The following PRKCQ variants were observed in gnomAD, a reference collection of about 807,000 sequenced individuals.
The protein encoded by PRKCQ is protein kinase C theta type.
PRKCQ carries 41 observed loss-of-function variants against 91.2 expected under a neutral mutation model. That is an observed-to-expected ratio of 0.45 (90% CI 0.35 to 0.58). The LOEUF is 0.58. Among genes scored for constraint, PRKCQ ranks in the 20% least tolerant of loss-of-function variants. PRKCQ has a pLI of 0.00. For synonymous variants in PRKCQ, 307 were observed against 316.9 expected (o/e 0.97, Z 0.33); for missense variants, 673 against 896.5 (o/e 0.75, Z 3.18).
rs200510395 is a variant in PRKCQ, at chr10:6,497,010, G to A, written c.660+25C>T. 1.4e-5 allele frequency: 22 copies of A among 1,594,528 alleles called. No homozygotes were observed. Among genetic ancestry groups the A allele is most frequent in the East Asian group, 4.5e-5 (2 of 44,786 alleles). Reference sequence around the variant, plus strand: ...AACGTTCTGATAAAAATCACTGCACGTCAAAGAGGAGTGTAAATACTCACC... The same window carrying A: ...AACGTTCTGATAAAAATCACTGCACATCAAAGAGGAGTGTAAATACTCACC... On this transcript the variant is annotated intron_variant, in intron 7 of 17. Coordinates refer to ENST00000263125, the MANE Select transcript of PRKCQ (RefSeq NM_006257.5). This position sits in a 1 kb window ranked among gnomAD's most constrained non-coding sequence, Gnocchi z 4.5.
the PRKCQ span, among the ~76,000 whole-genome samples, chr10:6,414,022 G>A: frequency 7.3e-4 from 111 of 152,312 alleles, no homozygotes; most frequent in Admixed American, 2.1e-3. Context: ...CCTGAAAGAT[G>A]GGGAGCAAAT....
At chr10:6,399,938 G>A in the PRKCQ span, among the ~76,000 whole-genome samples, 1 of 152,152 alleles carries the variant, frequency 6.6e-6, no homozygotes, top group African/African-American at 2.4e-5. Flanking sequence ...GGTTGGGGGG[G>A]CGGACACTGA....
chr10:6,566,795 G>A (rs1479084083), intron 1 of PRKCQ, among the ~76,000 whole-genome samples: 1 of 152,088 alleles, frequency 6.6e-6, no homozygotes, highest in African/African-American at 2.4e-5. Flanking sequence ...AGAAGTCAGT[G>A]CACCCAAGGG....
chr10:6,560,374 G>C (rs189706799), intron 1 of PRKCQ, among the ~76,000 whole-genome samples: 5 of 152,298 alleles, frequency 3.3e-5, no homozygotes, highest in African/African-American at 1.2e-4. Flanking sequence ...AAGCCTACTG[G>C]AAGGAGAAAG....
chr10:6,533,046 A>T (rs1022500223), intron 1 of PRKCQ, among the ~76,000 whole-genome samples: 3 of 152,134 alleles, frequency 2.0e-5, no homozygotes, highest in Admixed American at 6.6e-5. Flanking sequence ...TTTTAGGTTC[A>T]CAGTAAAATA....
intron 16 of PRKCQ, among the ~76,000 whole-genome samples, chr10:6,438,926 A>G (rs1456112116): frequency 6.6e-6 from 1 of 152,236 alleles, no homozygotes; most frequent in Non-Finnish European, 1.5e-5. Context: ...GATTACAGTG[A>G]TGGGTCTCTT....
the PRKCQ span, among the ~76,000 whole-genome samples, chr10:6,420,249 TCTC>T: frequency 6.6e-6 from 1 of 152,074 alleles, no homozygotes; most frequent in Non-Finnish European, 1.5e-5. Flanking sequence ...GGCCTCGAAA[TCTC>T]CTTTTAATAC....
At chr10:6,448,126 G>T (rs1295389861) in intron 15 of PRKCQ, among the ~76,000 whole-genome samples, 1 of 152,078 alleles carries the variant, frequency 6.6e-6, no homozygotes, top group African/African-American at 2.4e-5. Context: ...ACTTAGAGAT[G>T]AACTTTTAGG....
chr10:6,439,273 C>T (rs1833851670), intron 16 of PRKCQ, among the ~76,000 whole-genome samples: 1 of 152,110 alleles, frequency 6.6e-6, no homozygotes, highest in Non-Finnish European at 1.5e-5. Flanking sequence ...GCGCTGAATT[C>T]CGTTTTGATG....
chr10:6,450,667 T>G (rs1834616235), intron 15 of PRKCQ, among the ~76,000 whole-genome samples: 1 of 152,236 alleles, frequency 6.6e-6, no homozygotes, highest in Admixed American at 6.5e-5. Context: ...ATTGACCACA[T>G]AGTTGGAAGT....
chr10:6,577,754 T>G lies in PRKCQ; in HGVS notation c.-10+2457A>C, dbSNP rs184670502. Among the ~76,000 whole-genome samples, 399 of 151,752 alleles carry G rather than the reference T, an allele frequency of 2.6e-3. 19 individuals are homozygous for G. The East Asian group carries it at 0.068, about 26-fold the overall frequency. On this transcript the variant is annotated intron_variant, in intron 1 of 17. Transcript: ENST00000263125. ...TAGGGGCAACAACATAATCAGCAAC[T>G]CTAAGACATCAATCAAATGCATTAA...
In PRKCQ at chr10:6,480,851, T is replaced by C. The variant is rs112162558; in HGVS notation, c.1180-1686A>G. On this transcript the variant is annotated intron_variant, in intron 11 of 17. Coordinates refer to ENST00000263125, the MANE Select transcript of PRKCQ (RefSeq NM_006257.5). ...CGTAGCTTGATGGTAGCTGACTTGA[T>C]AGAAGGGAAGGGATGAAACTTAGAT... Among the ~76,000 whole-genome samples, 1,229 of 152,256 alleles carry C rather than the reference T, an allele frequency of 8.1e-3. 10 individuals are homozygous for C. The highest frequency in any genetic ancestry group is 0.034 in the Middle Eastern group (10 of 294).
intron 16 of PRKCQ, among the ~76,000 whole-genome samples, chr10:6,441,389 ACC>A (rs1833964086): frequency 6.6e-6 from 1 of 152,042 alleles, no homozygotes; most frequent in Non-Finnish European, 1.5e-5. Context: ...TGATCCGCTC[ACC>A]TTGGCCTCCC....
the PRKCQ span, among the ~76,000 whole-genome samples, chr10:6,406,775 C>T: frequency 0.015 from 2,355 of 152,274 alleles, 68 homozygotes; most frequent in African/African-American, 0.054. Context: ...GGTACTCACT[C>T]ACCACTGTCA....
chr10:6,395,504 C>G, the PRKCQ span, among the ~76,000 whole-genome samples: 2 of 152,134 alleles, frequency 1.3e-5, no homozygotes, highest in Non-Finnish European at 2.9e-5. Context: ...CAAAATATCT[C>G]AAGCCCTGAT....
chr10:6,480,827 G>C (rs570261468), intron 11 of PRKCQ, among the ~76,000 whole-genome samples: 1 of 152,214 alleles, frequency 6.6e-6, no homozygotes, highest in African/African-American at 2.4e-5. Flanking sequence ...GAGCAGGTTC[G>C]TAGCTTGATG....
chr10:6,448,090 G>C (rs915414738), intron 15 of PRKCQ, among the ~76,000 whole-genome samples: 2 of 152,220 alleles, frequency 1.3e-5, no homozygotes, highest in Admixed American at 6.5e-5. Flanking sequence ...AACAAAAGAC[G>C]CCCAGAGGTG....
intron 16 of PRKCQ, among the ~76,000 whole-genome samples, chr10:6,434,567 G>A (rs187971671): frequency 3.2e-4 from 49 of 152,222 alleles, no homozygotes; most frequent in African/African-American, 1.0e-3. Flanking sequence ...TGGAAGCTCC[G>A]CCCCTGGAAA....
intron 16 of PRKCQ, among the ~76,000 whole-genome samples, chr10:6,437,873 T>C (rs904625808): frequency 2.0e-5 from 3 of 152,206 alleles, no homozygotes; most frequent in Admixed American, 6.5e-5. Context: ...CAGGATGGTC[T>C]GGATCTCCTG....
Sources: gnomAD v4.1 joint callset for allele counts (sites outside exome capture counted in the v4.1 genomes callset) on GRCh38, gnomAD v4.1.1 for gene constraint, Gnocchi (gnomAD v3.1) non-coding constraint, MANE v1.5 for transcripts, NCBI Gene and HGNC (gene_info 2026-07-23, HGNC 2026-07-21) for gene names.